The following C9orf43 variants were observed in gnomAD, a reference collection of about 807,000 sequenced individuals.
C9orf43 encodes uncharacterized protein C9orf43.
A neutral mutation model predicts 59.1 loss-of-function variants in C9orf43; 45 were observed. The observed-to-expected ratio is 0.76, with a 90% CI of 0.60 to 0.98. The LOEUF is 0.98. C9orf43 is among the 50% of genes least tolerant of loss of function. The pLI, the probability that C9orf43 is intolerant of heterozygous loss-of-function variation, is 0.00. For synonymous variants in C9orf43, 203 were observed against 196.8 expected (o/e 1.03, Z -0.26); for missense variants, 533 against 554.9 (o/e 0.96, Z 0.40).
At chr9:113,416,065 T>G (rs1828345201) in intron 3 of C9orf43, among the ~76,000 whole-genome samples, 1 of 152,196 alleles carries the variant, frequency 6.6e-6, no homozygotes, top group East Asian at 1.9e-4. Context: ...CCTCCTCTAG[T>G]CATTTCCCTG....
In C9orf43 at chr9:113,429,419, C is replaced by G. The variant is rs1343927504; in HGVS notation, c.*33C>G. On this transcript the variant is annotated 3_prime_UTR_variant, in exon 14 of 14. Transcript: ENST00000374165. ...CTGGAGGAATAGACTGAAGGCATCCCCTGGGGCAGCCGTGTTCCAAAGCGG... is the reference window on the plus strand; with the variant it reads ...CTGGAGGAATAGACTGAAGGCATCCGCTGGGGCAGCCGTGTTCCAAAGCGG... 1 of 1,591,902 alleles carries G rather than the reference C, an allele frequency of 6.3e-7. No homozygotes were observed. Among genetic ancestry groups the G allele is most frequent in the Admixed American group, 1.7e-5 (1 of 59,222 alleles).
Position 113,428,883 on chromosome 9 carries a change from AC to A in C9orf43, c.1108-13del, listed in dbSNP as rs1375522857. ...AAAGTCTTGATTCAAATTTCCTTAT[AC>A]CCCAATGAATTTCAGGATTCCACGG... On this transcript the variant is annotated splice_polypyrimidine_tract_variant and intron_variant, in intron 12 of 13. Transcript: ENST00000374165. 3.7e-6 allele frequency: 6 copies of A among 1,605,098 alleles called. No individual in the cohort carries two copies. The highest frequency in any genetic ancestry group is 5.1e-6 in the Non-Finnish European group (6 of 1,171,808).
chr9:113,418,047 G>T (rs946063994), intron 3 of C9orf43, among the ~76,000 whole-genome samples: 1 of 152,116 alleles, frequency 6.6e-6, no homozygotes, highest in Non-Finnish European at 1.5e-5. Flanking sequence ...AAGGATATGA[G>T]TTTTTTACTG....
rs1180438627 is a variant in C9orf43, at chr9:113,429,254, G to C, written c.1254G>C (p.Arg418Ser). The change falls in exon 14 of 14, where the codon AGG becomes AGC. Residue 418 changes from arginine (R) to serine (S), a missense_variant. By Grantham distance (110) the Arg-to-Ser change is moderately radical (BLOSUM62 -1). Transcript: ENST00000374165. ...VDAVPEAQAA[R>S]QKKISFNFSE... ...CTGTGCCAGAAGCCCAGGCTGCCAG[G>C]CAAAAGAAGATCTCCTTTAACTTTT... is the stretch of plus-strand genomic sequence containing the variant. 5 of 1,614,232 alleles carry C rather than the reference G, an allele frequency of 3.1e-6. No homozygotes were observed. In the East Asian group the frequency reaches 1.1e-4, roughly 36 times the overall value.
In C9orf43 at chr9:113,429,241, C is replaced by G. The variant is rs1463316620; in HGVS notation, c.1241C>G (p.Ala414Gly). Reference sequence around the variant, plus strand: ...GCTCCAGTGGACGCTGTGCCAGAAGCCCAGGCTGCCAGGCAAAAGAAGATC... The same window carrying G: ...GCTCCAGTGGACGCTGTGCCAGAAGGCCAGGCTGCCAGGCAAAAGAAGATC... ...ISAPVDAVPE[A>G]QAARQKKISF... is the part of the protein sequence containing the mutation. The change falls in exon 14 of 14, where the codon GCC becomes GGC. Residue 414 changes from alanine (A) to glycine (G), a missense_variant. Ala to Gly is a moderately conservative substitution (Grantham distance 60). Coordinates refer to ENST00000374165, the MANE Select transcript of C9orf43 (RefSeq NM_001278629.2). 1 of 1,614,218 alleles carries G rather than the reference C, an allele frequency of 6.2e-7. No individual in the cohort carries two copies. Among genetic ancestry groups the G allele is most frequent in the South Asian group, 1.1e-5 (1 of 91,082 alleles).
At chr9:113,425,277 C>A in intron 9 of C9orf43, 67 bp from the exon 10 acceptor site, 1 of 1,599,178 alleles carries the variant, frequency 6.3e-7, no homozygotes, top group East Asian at 2.2e-5. Context: ...AAGGAAGGCA[C>A]AGCAGGCATT....
rs1004630876 is a variant in C9orf43 at position 113,424,396 on chromosome 9, T to C, written c.807+80T>C. On this transcript the variant is annotated intron_variant, in intron 8 of 13. Coordinates refer to ENST00000374165, the MANE Select transcript of C9orf43 (RefSeq NM_001278629.2). ...CTCCTCAAATCTGGAAGAGTTGACA[T>C]TCTATTCCTTATCTCCCTTCTGCCT... is the stretch of plus-strand genomic sequence containing the variant. The C allele has an allele frequency of 2.8e-6, 4 of 1,423,428 alleles. No homozygotes were observed. The African/African-American group carries it at 5.7e-5, about 20-fold the overall frequency. 88.2% of individuals were successfully genotyped at this position (1,423,428 alleles called of 1,614,324 possible).
chr9:113,414,458 T>C (rs1588101480), intron 3 of C9orf43, among the ~76,000 whole-genome samples: 2 of 151,244 alleles, frequency 1.3e-5, no homozygotes, highest in African/African-American at 4.9e-5. Flanking sequence ...TTTTTTTTTT[T>C]ACTTTTATTA....
chr9:113,428,008 A>G (rs1564418180), intron 11 of C9orf43, 139 bp from the exon 12 acceptor site: 2 of 753,834 alleles, frequency 2.7e-6, no homozygotes, highest in East Asian at 2.5e-5. Context: ...CAGAAGGTCT[A>G]ACTACCTTTT....
At chr9:113,423,749 G>A (rs1160187284) in intron 7 of C9orf43, among the ~76,000 whole-genome samples, 1 of 152,152 alleles carries the variant, frequency 6.6e-6, no homozygotes, top group African/African-American at 2.4e-5. Context: ...GCACTAGGAG[G>A]TAGGCACTAT....
rs1346829850 is a variant in C9orf43 at position 113,413,962 on chromosome 9, C to G, written c.287+68C>G. The G allele has an allele frequency of 2.7e-6, 4 of 1,493,518 alleles. No homozygotes were observed. In the African/African-American group the frequency reaches 5.6e-5, roughly 21 times the overall value. 92.5% of individuals were successfully genotyped at this position (1,493,518 alleles called of 1,614,324 possible). A position where few individuals can be genotyped will look rare whatever the true frequency, so the allele number is the denominator to read the frequency against. On this transcript the variant is annotated intron_variant, in intron 3 of 13. Coordinates refer to ENST00000374165, the MANE Select transcript of C9orf43 (RefSeq NM_001278629.2). ...AATTCTGGATTATGATTTTCCTTAT[C>G]CATTAGTATACTTTGAGAAAGCTAG...
At chr9:113,412,939 GA>G (rs1349797983) in intron 1 of C9orf43, among the ~76,000 whole-genome samples, 4 of 152,216 alleles carry the variant, frequency 2.6e-5, no homozygotes, top group Non-Finnish European at 5.9e-5. Context: ...GAAGCACATT[GA>G]AAAATGAAAC....
In C9orf43 at chr9:113,427,846, A is replaced by C. The variant is rs931375827; in HGVS notation, c.1031-301A>C. 2.1e-4 allele frequency among the ~76,000 whole-genome samples: 32 copies of C among 152,348 alleles called. 1 individual carries two copies. The highest frequency in any genetic ancestry group is 6.3e-4 in the African/African-American group (26 of 41,582). On this transcript the variant is annotated intron_variant, in intron 11 of 13. Coordinates refer to ENST00000374165, the MANE Select transcript of C9orf43 (RefSeq NM_001278629.2). ...GGGATGGCGCAAGAAGATGAGTCAC[A>C]TTCTGGTAAGAGGAGTATTCATATG... is the stretch of plus-strand genomic sequence containing the variant.
intron 4 of C9orf43, among the ~76,000 whole-genome samples, chr9:113,419,982 G>A (rs544776267): frequency 1.3e-5 from 2 of 152,264 alleles, no homozygotes; most frequent in South Asian, 2.1e-4. Context: ...GTGTAGTGGA[G>A]CGTATAAGGA....
At position 113,428,157 on chromosome 9, in the gene C9orf43, T is replaced by C. The variant is rs752015537; in HGVS notation, c.1041T>C (p.Thr347=). ...TVHDRLYGYR[T]LPGQNSDMKQ... ...CTCTTTGGTTACTAGGTTACAGAAC[T>C]CTGCCAGGTCAGAACAGTGACATGA... The change falls in exon 12 of 14, where the codon ACT becomes ACC. Residue 347 remains threonine (T), a synonymous_variant. Coordinates refer to ENST00000374165, the MANE Select transcript of C9orf43 (RefSeq NM_001278629.2). 9 of 1,614,072 alleles carry C rather than the reference T, an allele frequency of 5.6e-6. No homozygotes were observed. The highest frequency in any genetic ancestry group is 7.6e-6 in the Non-Finnish European group (9 of 1,180,032).
Position 113,423,454 on chromosome 9 carries a change from T to G in C9orf43, c.612T>G (p.Pro204=), listed in dbSNP as rs753894459. The change falls in exon 7 of 14, where the codon CCT becomes CCG. Residue 204 remains proline, a synonymous_variant. Transcript: ENST00000374165. ...LSEQFSSDFL[P]LWAQSEALPQ... ...AACAATTCAGTTCAGATTTCCTACC[T>G]CTCTGGGCTCAATCCGAAGCGTTAC... The G allele has an allele frequency of 6.2e-7, 1 of 1,614,038 alleles. No individual in the cohort carries two copies. Among genetic ancestry groups the G allele is most frequent in the East Asian group, 2.2e-5 (1 of 44,878 alleles).
chr9:113,425,116 T>C (rs1437737364), intron 9 of C9orf43, 40 bp downstream of exon 9: 2 of 1,587,178 alleles, frequency 1.3e-6, no homozygotes, highest in Admixed American at 1.7e-5. Flanking sequence ...AGCACCATTT[T>C]CTGTTAGCCC....
intron 3 of C9orf43, among the ~76,000 whole-genome samples, chr9:113,417,775 T>C (rs1163420170): frequency 2.0e-5 from 3 of 152,148 alleles, no homozygotes; most frequent in African/African-American, 7.2e-5. Flanking sequence ...AAATAGTTCA[T>C]TGTGCCTAGA....
At chr9:113,416,559 C>T (rs527549377) in intron 3 of C9orf43, among the ~76,000 whole-genome samples, 1 of 152,294 alleles carries the variant, frequency 6.6e-6, no homozygotes, top group Non-Finnish European at 1.5e-5. Context: ...GCATTTCTCC[C>T]TTCCTTGTTG....
Sources: allele counts gnomAD v4.1 joint callset (sites outside exome capture counted in the v4.1 genomes callset), GRCh38; gene constraint gnomAD v4.1.1; transcripts MANE v1.5; gene names NCBI Gene and HGNC (gene_info 2026-07-23, HGNC 2026-07-21).